Variants in SULT1B1 observed in about 807,000 individuals in gnomAD.
SULT1B1 encodes the protein sulfotransferase family 1B member 1, also known as sulfotransferase 1B1.
Under a neutral mutation model 34.6 loss-of-function variants are expected in SULT1B1, and 28 were observed. The ratio of observed to expected loss-of-function variants is 0.81; its 90% confidence interval spans 0.60 to 1.11. SULT1B1 has a LOEUF of 1.11. Among genes scored for constraint, SULT1B1 ranks in the 50% least tolerant of loss-of-function variants. SULT1B1 has a pLI of 0.00. For missense variants in SULT1B1, 374 were observed against 352.2 expected, an observed-to-expected ratio of 1.06 and a Z score of -0.50; for synonymous variants, 147 against 110.2, an observed-to-expected ratio of 1.33 and a Z score of -2.09.
At position 69,727,113 on chromosome 4, in the gene SULT1B1, G is replaced by A. The variant is rs1478600088; in HGVS notation, c.866C>T (p.Ala289Val). 6.2e-7 allele frequency: 1 copy of A among 1,607,886 alleles called. No homozygotes were observed. The highest frequency in any genetic ancestry group is 1.3e-5 in the African/African-American group (1 of 74,420). The change falls in exon 8 of 8, where the codon GCA becomes GTA. Residue 289 changes from alanine to valine, a missense_variant. Physicochemically the swap from Ala to Val is moderately conservative, Grantham distance 64 (BLOSUM62 0). Coordinates refer to ENST00000310613, the MANE Select transcript of SULT1B1 (RefSeq NM_014465.4). Reference protein sequence around the residue: ...AIYETEMSKTALQFRTEI With the variant: ...AIYETEMSKTVLQFRTEI ...TTAAATCTCTGTGCGGAATTGAAGTGCAGTTTTGGACATTTCTGTCTCATA... is the reference window on the plus strand; with the variant it reads ...TTAAATCTCTGTGCGGAATTGAAGTACAGTTTTGGACATTTCTGTCTCATA...
intron 1 of SULT1B1, among the ~76,000 whole-genome samples, chr4:69,759,261 T>C (rs1719307045): frequency 6.6e-6 from 1 of 152,322 alleles, no homozygotes; most frequent in East Asian, 1.9e-4. Flanking sequence ...AACCCAGGAA[T>C]GGACTTTAGT....
At chr4:69,747,568 C>T (rs1337960980) in intron 4 of SULT1B1, among the ~76,000 whole-genome samples, 1 of 152,190 alleles carries the variant, frequency 6.6e-6, no homozygotes, top group African/African-American at 2.4e-5. Flanking sequence ...AAGCTAAAGC[C>T]ACCTAAAGAA....
Position 69,726,917 on chromosome 4 carries a change from C to A in SULT1B1, c.*171G>T. 2.1e-6 allele frequency: 1 copy of A among 476,362 alleles called. No individual in the cohort carries two copies. The allele number at this position is 476,362 out of a possible 1,614,324, so 29.5% of individuals were successfully genotyped here. ...CTTAGAGAATTTGGAAACTCAGAAT[C>A]AAAGGAACAAAACTGGGATCTGATT... On this transcript the variant is annotated 3_prime_UTR_variant, in exon 8 of 8. Transcript: ENST00000310613.
intron 4 of SULT1B1, among the ~76,000 whole-genome samples, chr4:69,741,326 G>T (rs999388939): frequency 4.6e-5 from 7 of 152,090 alleles, no homozygotes; most frequent in African/African-American, 1.7e-4. Flanking sequence ...GATGCCACTG[G>T]CTTTGTTCTT....
chr4:69,733,746 C>T (rs1356022493), intron 5 of SULT1B1, among the ~76,000 whole-genome samples: 2 of 152,052 alleles, frequency 1.3e-5, no homozygotes, highest in Non-Finnish European at 2.9e-5. Flanking sequence ...AAAAGTTATA[C>T]TTAGTCTCAT....
At chr4:69,734,828 CTTTTT>C (rs71604563) in intron 4 of SULT1B1, among the ~76,000 whole-genome samples, 1 of 135,688 alleles carries the variant, frequency 7.4e-6, no homozygotes. Flanking sequence ...CTTCGCTACT[CTTTTT>C]TTTTTTTTTT....
chr4:69,750,141 T>C (rs1006849339), intron 3 of SULT1B1, among the ~76,000 whole-genome samples: 8 of 152,164 alleles, frequency 5.3e-5, no homozygotes, highest in African/African-American at 1.9e-4. Context: ...CTTTAATAAT[T>C]TGGAGTTTTA....
chr4:69,748,114 T>G (rs948403544), intron 4 of SULT1B1, among the ~76,000 whole-genome samples: 3 of 152,116 alleles, frequency 2.0e-5, no homozygotes, highest in Non-Finnish European at 4.4e-5. Context: ...AAAACAGAAC[T>G]TAGCTGTATG....
intron 4 of SULT1B1, among the ~76,000 whole-genome samples, chr4:69,740,679 A>G (rs1163741604): frequency 1.3e-5 from 2 of 152,228 alleles, no homozygotes; most frequent in Non-Finnish European, 2.9e-5. Flanking sequence ...CCTTCAGGTA[A>G]CTACTCAGTA....
intron 4 of SULT1B1, 136 bp downstream of exon 4, chr4:69,749,585 A>G: frequency 1.9e-6 from 1 of 519,918 alleles, no homozygotes; most frequent in Non-Finnish European, 3.4e-6. Flanking sequence ...AGATTTACGT[A>G]CAACGTGAGT....
chr4:69,733,743 A>G (rs950095949), intron 5 of SULT1B1, among the ~76,000 whole-genome samples: 3 of 152,180 alleles, frequency 2.0e-5, no homozygotes, highest in African/African-American at 7.2e-5. Context: ...CCAAAAAGTT[A>G]TACTTAGTCT....
At chr4:69,729,215 C>A (rs1295233444) in intron 7 of SULT1B1, among the ~76,000 whole-genome samples, 1 of 152,054 alleles carries the variant, frequency 6.6e-6, no homozygotes, top group African/African-American at 2.4e-5. Context: ...ACACAACTGA[C>A]CCTTGAACAA....
chr4:69,743,770 C>CG (rs1718643391), intron 4 of SULT1B1, among the ~76,000 whole-genome samples: 2 of 152,144 alleles, frequency 1.3e-5, no homozygotes, highest in African/African-American at 4.8e-5. Context: ...TGACAGCACC[C>CG]GGGCTTGGTG....
intron 3 of SULT1B1, among the ~76,000 whole-genome samples, chr4:69,753,892 AC>A (rs1719084525): frequency 6.6e-6 from 1 of 152,218 alleles, no homozygotes; most frequent in South Asian, 2.1e-4. Flanking sequence ...CTAAACTTTA[AC>A]TAAACCAGCT....
At position 69,727,050 on chromosome 4, in the gene SULT1B1, A is replaced by T. The variant is rs1191618913; in HGVS notation, c.*38T>A. On this transcript the variant is annotated 3_prime_UTR_variant, in exon 8 of 8. Coordinates refer to ENST00000310613, the MANE Select transcript of SULT1B1 (RefSeq NM_014465.4). ...CTGCCCTCGTTTCAATCAACTACAG[A>T]CAATCTCTTATTTCTTCAGATGTGT... 3 of 1,499,604 alleles carry T rather than the reference A, an allele frequency of 2.0e-6. No individual in the cohort carries two copies. In the African/African-American group the frequency reaches 4.3e-5, roughly 21 times the overall value. 92.9% of individuals were successfully genotyped at this position (1,499,604 alleles called of 1,614,324 possible).
chr4:69,754,401 C>A (rs1719107210), intron 3 of SULT1B1, among the ~76,000 whole-genome samples: 1 of 152,034 alleles, frequency 6.6e-6, no homozygotes, highest in Non-Finnish European at 1.5e-5. Flanking sequence ...ACAAATTCTA[C>A]CAAATAAAAG....
At chr4:69,758,458 A>C (rs967756678) in intron 1 of SULT1B1, 6 of 985,174 alleles carry the variant, frequency 6.1e-6, no homozygotes, top group Non-Finnish European at 7.2e-6. Context: ...TATTTTATTA[A>C]CTTCTTAGCA....
intron 5 of SULT1B1, among the ~76,000 whole-genome samples, 184 bp from the exon 6 acceptor site, chr4:69,733,691 T>A (rs1718178444): frequency 6.6e-6 from 1 of 152,146 alleles, no homozygotes; most frequent in African/African-American, 2.4e-5. Flanking sequence ...TTTTTTAATG[T>A]CAAGTACAAA....
intron 4 of SULT1B1, among the ~76,000 whole-genome samples, chr4:69,743,195 T>C (rs1258594123): frequency 1.3e-5 from 2 of 152,186 alleles, no homozygotes; most frequent in East Asian, 3.9e-4. Flanking sequence ...GTTCTTGTCC[T>C]GCATTCAGGA....
Sources: allele counts gnomAD v4.1 joint callset (sites outside exome capture counted in the v4.1 genomes callset), GRCh38; gene constraint gnomAD v4.1.1; transcripts MANE v1.5; gene names NCBI Gene and HGNC (gene_info 2026-07-23, HGNC 2026-07-21).